The following DCAF6 variants were observed in gnomAD, a reference collection of about 807,000 sequenced individuals.
The protein encoded by DCAF6 is DDB1- and CUL4-associated factor 6.
In DCAF6, 54 loss-of-function variants were observed where a neutral mutation model predicts 125.1. That is an observed-to-expected ratio of 0.43 (90% CI 0.35 to 0.54). DCAF6 has a LOEUF of 0.54. Among genes scored for constraint, DCAF6 ranks in the 20% least tolerant of loss-of-function variants. The pLI is 0.01. For synonymous variants in DCAF6, 371 were observed against 390.4 expected (o/e 0.95, Z 0.58); for missense variants, 934 against 1,161.7 (o/e 0.80, Z 2.85).
At chr1:168,034,539 C>T (rs541864224) in intron 12 of DCAF6, among the ~76,000 whole-genome samples, 1 of 152,088 alleles carries the variant, frequency 6.6e-6, no homozygotes, top group African/African-American at 2.4e-5. Flanking sequence ...AGGAAAAGTC[C>T]GTAACTAGAG....
rs758105651 is a variant in DCAF6, at chr1:168,045,046, A to G, written c.2077A>G (p.Thr693Ala). Residue 693 changes from threonine to alanine, a missense_variant, in exon 16 of 22, where the codon ACT becomes GCT. Transcript: ENST00000367840. ...KEPETSDQTS[T>A]ESATNENNTN... ...ACCAGAAACTTCAGATCAGACTAGC[A>G]CTGAGAGTGCTACCAATGAAAATAA... 2.5e-6 allele frequency: 4 copies of G among 1,613,958 alleles called. No individual in the cohort carries two copies. The highest frequency in any genetic ancestry group is 2.7e-5 in the African/African-American group (2 of 74,928).
the DCAF6 span, chr1:167,917,786 T>G: frequency 6.6e-6 from 1 of 152,404 alleles, no homozygotes; most frequent in South Asian, 2.1e-4. Context: ...AATGATCCTA[T>G]TTAAAAATCT....
At chr1:167,894,823 G>A in the DCAF6 span, among the ~76,000 whole-genome samples, 318 of 152,296 alleles carry the variant, frequency 2.1e-3, 1 homozygote, top group African/African-American at 7.3e-3. Context: ...CTTGCAGCTA[G>A]TGTCTGAAGT....
intron 17 of DCAF6, among the ~76,000 whole-genome samples, chr1:168,061,391 A>T (rs1691577962): frequency 6.6e-6 from 1 of 152,204 alleles, no homozygotes; most frequent in Admixed American, 6.5e-5. Flanking sequence ...AATTATTTTA[A>T]AAATTGTTAG....
the DCAF6 span, among the ~76,000 whole-genome samples, chr1:167,927,876 A>T: frequency 6.6e-6 from 1 of 152,216 alleles, no homozygotes; most frequent in Non-Finnish European, 1.5e-5. Flanking sequence ...ATTTTAAACT[A>T]TGAAAACAAG....
chr1:167,924,885 T>G, the DCAF6 span, among the ~76,000 whole-genome samples: 7 of 152,156 alleles, frequency 4.6e-5, no homozygotes, highest in African/African-American at 1.4e-4. Context: ...CAAATGAAAA[T>G]GAACCCAGTG....
chr1:167,951,537 T>C (rs557572635), intron 1 of DCAF6, among the ~76,000 whole-genome samples: 3 of 152,182 alleles, frequency 2.0e-5, no homozygotes, highest in African/African-American at 7.2e-5. Context: ...ATCATGCCAC[T>C]GCACTCCAGC....
chr1:167,929,627 A>T, the DCAF6 span, among the ~76,000 whole-genome samples: 1 of 152,158 alleles, frequency 6.6e-6, no homozygotes, highest in East Asian at 1.9e-4. Flanking sequence ...CTTACTTCCT[A>T]ATTTCCTTAT....
chr1:167,966,602 T>A (rs1676459379), intron 2 of DCAF6, 27 bp from the exon 3 acceptor site: 1 of 1,422,836 alleles, frequency 7.0e-7, no homozygotes. Flanking sequence ...CCAATTTGCT[T>A]ATATTTCTTT....
At chr1:167,938,831 G>A (rs1671771990) in intron 1 of DCAF6, among the ~76,000 whole-genome samples, 3 of 152,028 alleles carry the variant, frequency 2.0e-5, no homozygotes, top group Non-Finnish European at 4.4e-5. Flanking sequence ...CCATATACCT[G>A]CTTTTCCCCC....
chr1:168,003,294 A>G (rs370431797), intron 8 of DCAF6, among the ~76,000 whole-genome samples: 2 of 152,302 alleles, frequency 1.3e-5, no homozygotes, highest in African/African-American at 4.8e-5. Context: ...TAATTTGAAA[A>G]TACCCTTGGA....
At chr1:167,899,763 T>C in the DCAF6 span, 1 of 824,444 alleles carries the variant, frequency 1.2e-6, no homozygotes, top group Non-Finnish European at 2.0e-6. Context: ...AAACTTTACA[T>C]AGGAATTATG....
At chr1:167,951,722 C>A in intron 1 of DCAF6, 78 bp from the exon 2 acceptor site, 1 of 920,042 alleles carries the variant, frequency 1.1e-6, no homozygotes, top group Non-Finnish European at 1.7e-6. Flanking sequence ...CATGCCAGAT[C>A]CTAGGCTCCT....
At chr1:168,055,780 G>GT (rs35286371) in intron 17 of DCAF6, 20 of 696,056 alleles carry the variant, frequency 2.9e-5, no homozygotes, top group Non-Finnish European at 3.2e-5. Flanking sequence ...GTTAACAGTA[G>GT]TTTTTTTTTC....
Position 167,990,377 on chromosome 1 carries a change from AT to A in DCAF6, c.553-826del, listed in dbSNP as rs1571833794. 2.6e-5 allele frequency among the ~76,000 whole-genome samples: 4 copies of A among 152,292 alleles called. No homozygotes were observed. In the South Asian group the frequency reaches 8.3e-4, roughly 32 times the overall value. ...AGACATATCTCAAAAAGAAAAAAAAATATGAATACTATATAAATAATCAATA... is the reference window on the plus strand; with the variant it reads ...AGACATATCTCAAAAAGAAAAAAAAAATGAATACTATATAAATAATCAATA... On this transcript the variant is annotated intron_variant, in intron 5 of 21. Transcript: ENST00000367840.
chr1:167,886,578 C>T, the DCAF6 span, among the ~76,000 whole-genome samples: 1 of 152,072 alleles, frequency 6.6e-6, no homozygotes, highest in Non-Finnish European at 1.5e-5. Context: ...AATGTTAGAC[C>T]TAAAACCATA....
the DCAF6 span, among the ~76,000 whole-genome samples, chr1:167,921,002 G>T: frequency 4.6e-5 from 7 of 151,950 alleles, no homozygotes; most frequent in Non-Finnish European, 8.8e-5. Flanking sequence ...CTAACCACTA[G>T]CATGGAAGAT....
rs201286396 is a variant in DCAF6, at chr1:168,008,656, AAAG to A, written c.1378+3866_1378+3868del. Among the ~76,000 whole-genome samples, 517 of 152,228 alleles carry A rather than the reference AAAG, an allele frequency of 3.4e-3. 2 individuals carry two copies. Among genetic ancestry groups the A allele is most frequent in the African/African-American group, 0.012 (478 of 41,552 alleles). On this transcript the variant is annotated intron_variant, in intron 10 of 21. Coordinates refer to ENST00000367840, the MANE Select transcript of DCAF6 (RefSeq NM_001198956.2). Reference sequence around the variant, plus strand: ...AATTGCATTTGGAAATACAACTACAAAAGAAAAAAAAATCAAACTCCTCACTGT... The same window carrying A: ...AATTGCATTTGGAAATACAACTACAAAAAAAAAAATCAAACTCCTCACTGT...
At chr1:167,885,798 T>C in the DCAF6 span, among the ~76,000 whole-genome samples, 3 of 152,130 alleles carry the variant, frequency 2.0e-5, no homozygotes, top group African/African-American at 7.2e-5. Context: ...GTATTTTTAG[T>C]AGAGACGGGG....
Sources: allele counts gnomAD v4.1 joint callset (sites outside exome capture counted in the v4.1 genomes callset), GRCh38; gene constraint gnomAD v4.1.1; transcripts MANE v1.5; gene names NCBI Gene and HGNC (gene_info 2026-07-23, HGNC 2026-07-21).